NRG3: variants seen among roughly 807,000 people sequenced by gnomAD.
NRG3 encodes the protein neuregulin 3.
NRG3 carries 31 observed loss-of-function variants against 66.9 expected under a neutral mutation model. That is an observed-to-expected ratio of 0.46 (90% CI 0.35 to 0.63). NRG3 has a LOEUF of 0.63. Among genes scored for constraint, NRG3 ranks in the 20% least tolerant of loss-of-function variants. The pLI is 0.00. For missense variants in NRG3, 910 were observed against 878.9 expected, an observed-to-expected ratio of 1.04 and a Z score of -0.45; for synonymous variants, 393 against 359.4, an observed-to-expected ratio of 1.09 and a Z score of -1.06.
chr10:82,768,105 G>A (rs1287770504), intron 3 of NRG3, among the ~76,000 whole-genome samples: 1 of 152,134 alleles, frequency 6.6e-6, no homozygotes, highest in East Asian at 1.9e-4. Context: ...TCTAAAGGCG[G>A]ATGCCTGACC....
intron 1 of NRG3, chr10:81,878,227 T>A: frequency 1.4e-6 from 1 of 705,588 alleles, no homozygotes; most frequent in Non-Finnish European, 2.3e-6. Context: ...GTAAATGGTG[T>A]CAATGTTCAC....
At chr10:82,165,034 T>A (rs890270125) in intron 1 of NRG3, among the ~76,000 whole-genome samples, 3 of 152,182 alleles carry the variant, frequency 2.0e-5, no homozygotes, top group Non-Finnish European at 4.4e-5. Flanking sequence ...CATTTATATA[T>A]CTATGTATAG....
intron 1 of NRG3, among the ~76,000 whole-genome samples, chr10:81,886,961 T>C (rs1029415166): frequency 6.6e-6 from 1 of 152,196 alleles, no homozygotes; most frequent in African/African-American, 2.4e-5. Context: ...GTTTAATTTA[T>C]TGTACTTTTT....
intron 1 of NRG3, among the ~76,000 whole-genome samples, chr10:82,355,032 A>G (rs1223993769): frequency 6.6e-6 from 1 of 152,350 alleles, no homozygotes; most frequent in Non-Finnish European, 1.5e-5. Context: ...TTACATTCCT[A>G]GAAACAGAAG....
At chr10:82,205,028 G>A (rs2075046717) in intron 1 of NRG3, among the ~76,000 whole-genome samples, 1 of 152,170 alleles carries the variant, frequency 6.6e-6, no homozygotes, top group Non-Finnish European at 1.5e-5. Flanking sequence ...GGGATTTGGT[G>A]AGCATTTGGT....
rs979306181 is a variant in NRG3, at chr10:82,547,106, C to T, written c.953+188238C>T. On this transcript the variant is annotated intron_variant, in intron 2 of 8. Coordinates refer to ENST00000372141, the MANE Select transcript of NRG3 (RefSeq NM_001010848.4). ...TACTCAAAAGTGTCAGCACATGAGC[C>T]ATATTTTATTCATTCGTAAAATTAT... Among the ~76,000 whole-genome samples, 5 of 152,128 alleles carry T rather than the reference C, an allele frequency of 3.3e-5. No homozygotes were observed. The East Asian group carries it at 5.8e-4, about 18-fold the overall frequency.
chr10:82,724,760 T>A (rs2057500191), intron 2 of NRG3, among the ~76,000 whole-genome samples: 1 of 152,248 alleles, frequency 6.6e-6, no homozygotes, highest in Admixed American at 6.5e-5. Flanking sequence ...TTACCACTTC[T>A]TTTTGAAGCA....
At chr10:82,131,011 T>C (rs1432655466) in intron 1 of NRG3, among the ~76,000 whole-genome samples, 3 of 152,214 alleles carry the variant, frequency 2.0e-5, no homozygotes, top group Non-Finnish European at 2.9e-5. Flanking sequence ...ACTTTGTTGA[T>C]TGTTTTCTTT....
intron 2 of NRG3, among the ~76,000 whole-genome samples, chr10:82,422,204 A>G (rs79783887): frequency 0.028 from 4,281 of 152,140 alleles, 90 homozygotes; most frequent in South Asian, 0.047. Flanking sequence ...GAAATCAGAC[A>G]TAAGCTCAGG....
At chr10:82,481,714 A>G (rs1451622042) in intron 2 of NRG3, among the ~76,000 whole-genome samples, 2 of 152,140 alleles carry the variant, frequency 1.3e-5, no homozygotes, top group African/African-American at 2.4e-5. Context: ...GCCGGGCACG[A>G]TGGCTCACAC....
intron 3 of NRG3, among the ~76,000 whole-genome samples, chr10:82,794,088 T>C (rs905904707): frequency 3.3e-5 from 5 of 152,208 alleles, no homozygotes; most frequent in Non-Finnish European, 7.4e-5. Flanking sequence ...GTTTTCTTGA[T>C]TTTAGCCCAA....
intron 3 of NRG3, among the ~76,000 whole-genome samples, chr10:82,861,456 T>C (rs1317544835): frequency 6.6e-6 from 1 of 152,216 alleles, no homozygotes; most frequent in East Asian, 1.9e-4. Context: ...GTTTGAATAA[T>C]TTCCAAATTT....
chr10:82,234,718 G>A (rs1041655142), intron 1 of NRG3, among the ~76,000 whole-genome samples: 1 of 152,188 alleles, frequency 6.6e-6, no homozygotes, highest in Non-Finnish European at 1.5e-5. Context: ...AGTTAACTGG[G>A]ATTTGGGCTT....
intron 1 of NRG3, among the ~76,000 whole-genome samples, chr10:82,001,079 T>G (rs2061145161): frequency 6.6e-6 from 1 of 151,980 alleles, no homozygotes; most frequent in South Asian, 2.1e-4. Flanking sequence ...CTGAACAAAT[T>G]CCTATTACAA....
rs1362113335 is a variant in NRG3 at position 81,875,426 on chromosome 10, C to A, written c.86C>A (p.Ala29Glu). Residue 29 changes from alanine (A) to glutamate (E), a missense_variant, in exon 1 of 9, where the codon GCG becomes GAG. Coordinates refer to ENST00000372141, the MANE Select transcript of NRG3 (RefSeq NM_001010848.4). The surrounding 1 kb of genome is among the most constrained non-coding windows in gnomAD (Gnocchi z 5.3). Reference sequence around the variant, plus strand: ...GCCGAGGAGGGCACCGCGGCGGCTGCGGCGGCGGCAGCGGCGGGCGGGGGC... The same window carrying A: ...GCCGAGGAGGGCACCGCGGCGGCTGAGGCGGCGGCAGCGGCGGGCGGGGGC... ...ASAEEGTAAA[A>E]AAAAAGGGPD... 4 of 1,098,772 alleles carry A rather than the reference C, an allele frequency of 3.6e-6. No homozygotes were observed. In the African/African-American group the frequency reaches 6.7e-5, roughly 18 times the overall value. 68.1% of individuals were successfully genotyped at this position (1,098,772 alleles called of 1,614,324 possible).
At chr10:82,901,496 T>A (rs948780804) in intron 4 of NRG3, among the ~76,000 whole-genome samples, 1 of 152,180 alleles carries the variant, frequency 6.6e-6, no homozygotes, top group Non-Finnish European at 1.5e-5. Context: ...CCTACACAAA[T>A]GCCCAGAGGC....
intron 2 of NRG3, among the ~76,000 whole-genome samples, chr10:82,497,391 C>G (rs1843719997): frequency 6.6e-6 from 1 of 152,080 alleles, no homozygotes; most frequent in Non-Finnish European, 1.5e-5. Context: ...GCCCTCCAGC[C>G]CAGAATAATC....
At chr10:82,276,267 C>T (rs186704997) in intron 1 of NRG3, among the ~76,000 whole-genome samples, 20 of 152,046 alleles carry the variant, frequency 1.3e-4, no homozygotes, top group Admixed American at 1.3e-3. Context: ...AGAATGGCCA[C>T]ACTCTTTTAA....
intron 1 of NRG3, among the ~76,000 whole-genome samples, chr10:82,333,366 T>C (rs1482547869): frequency 6.6e-6 from 1 of 152,198 alleles, no homozygotes; most frequent in African/African-American, 2.4e-5. Context: ...TAATGCCAGG[T>C]GGAAGACTGG....
Sources: gnomAD v4.1 joint callset for allele counts (sites outside exome capture counted in the v4.1 genomes callset) on GRCh38, gnomAD v4.1.1 for gene constraint, Gnocchi (gnomAD v3.1) non-coding constraint, MANE v1.5 for transcripts, NCBI Gene and HGNC (gene_info 2026-07-23, HGNC 2026-07-21) for gene names.